Variants in NT5DC1 observed in about 807,000 individuals in gnomAD.
NT5DC1 encodes 5'-nucleotidase domain containing 1.
NT5DC1 carries 42 observed loss-of-function variants against 59.4 expected under a neutral mutation model. The ratio of observed to expected loss-of-function variants is 0.71; its 90% CI spans 0.55 to 0.92. The LOEUF (loss-of-function observed/expected upper bound fraction) is 0.92. NT5DC1 is among the 40% of genes least tolerant of loss of function. The probability of loss-of-function intolerance (pLI) is 0.00; values close to 1 mark genes in which losing one functional copy is unlikely to be tolerated. For synonymous variants in NT5DC1, 172 were observed against 188.1 expected, an observed-to-expected ratio of 0.91 and a Z score of 0.70; for missense variants, 501 against 537.1, an observed-to-expected ratio of 0.93 and a Z score of 0.66.
intron 6 of NT5DC1, among the ~76,000 whole-genome samples, chr6:116,175,631 G>A (rs958285923): frequency 1.3e-5 from 2 of 151,992 alleles, no homozygotes; most frequent in Non-Finnish European, 2.9e-5. Context: ...TTCTCTTTGT[G>A]TTTCAGTTTA....
intron 6 of NT5DC1, among the ~76,000 whole-genome samples, chr6:116,160,610 A>G (rs72953912): frequency 0.016 from 2,307 of 147,474 alleles, 14 homozygotes; most frequent in Non-Finnish European, 0.026. Flanking sequence ...GTGCAGAAAA[A>G]CTCTTTAGTT....
chr6:116,107,428 T>A, intron 2 of NT5DC1, among the ~76,000 whole-genome samples: 1 of 151,612 alleles, frequency 6.6e-6, no homozygotes, highest in Admixed American at 6.6e-5. Context: ...TTATACCACT[T>A]TGCTTTTATT....
At chr6:116,148,006 G>T (rs1037106255) in intron 6 of NT5DC1, among the ~76,000 whole-genome samples, 9 of 151,756 alleles carry the variant, frequency 5.9e-5, no homozygotes, top group Admixed American at 2.0e-4. Flanking sequence ...AGGTGGGGGG[G>T]GTTGGAGGCA....
At chr6:116,188,317 G>T (rs1322723646) in intron 6 of NT5DC1, among the ~76,000 whole-genome samples, 3 of 152,140 alleles carry the variant, frequency 2.0e-5, no homozygotes, top group Non-Finnish European at 4.4e-5. Flanking sequence ...CATTCCCTAT[G>T]ACACAGCCAT....
At chr6:116,243,225 A>G (rs1204826) in intron 11 of NT5DC1, among the ~76,000 whole-genome samples, 110,925 of 152,092 alleles carry the variant, frequency 0.73, 41,513 homozygotes, top group East Asian at 0.99. Context: ...AGTAACCCTC[A>G]TCCTGTGACT....
chr6:116,121,003 T>C, intron 6 of NT5DC1: 8 of 1,613,902 alleles, frequency 5.0e-6, no homozygotes, highest in Admixed American at 1.7e-5. Flanking sequence ...CCCCAGGGTA[T>C]CCTGCAGGCC....
At chr6:116,232,888 G>A (rs1156597378) in intron 8 of NT5DC1, among the ~76,000 whole-genome samples, 1 of 152,162 alleles carries the variant, frequency 6.6e-6, no homozygotes. Context: ...GACAGCTTTA[G>A]TTTTATTTAT....
intron 6 of NT5DC1, among the ~76,000 whole-genome samples, chr6:116,205,854 G>C (rs1383139060): frequency 3.9e-5 from 6 of 151,918 alleles, no homozygotes. Context: ...ATTCCATCCT[G>C]CTGTTTTCCT....
chr6:116,146,692 T>G (rs1236620418), intron 6 of NT5DC1, among the ~76,000 whole-genome samples: 1 of 152,166 alleles, frequency 6.6e-6, no homozygotes, highest in African/African-American at 2.4e-5. Context: ...GCTATAAATC[T>G]TTTTGATCTA....
intron 6 of NT5DC1, among the ~76,000 whole-genome samples, chr6:116,157,858 C>A (rs187898674): frequency 6.6e-6 from 1 of 152,288 alleles, no homozygotes; most frequent in African/African-American, 2.4e-5. Context: ...AGCCTCTCAT[C>A]CCTTGTATTG....
chr6:116,212,241 G>C (rs1170500862), intron 6 of NT5DC1, among the ~76,000 whole-genome samples: 1 of 151,936 alleles, frequency 6.6e-6, no homozygotes, highest in Non-Finnish European at 1.5e-5. Flanking sequence ...AACTAGCCAG[G>C]TGATATTTTA....
At chr6:116,200,207 C>A (rs2114508165) in intron 6 of NT5DC1, among the ~76,000 whole-genome samples, 1 of 152,064 alleles carries the variant, frequency 6.6e-6, no homozygotes, top group African/African-American at 2.4e-5. Flanking sequence ...GGACATTCTA[C>A]AAAATATCTA....
In NT5DC1 at chr6:116,249,187, A is replaced by AAAG. The variant is rs1172525026; in HGVS notation, c.*5164_*5166dup. ...AAGAAAACCTAGCTCTCTAATACTT[A>AAAG]AAGTTCTCTAGCCCTAGAAAAAAAT... On this transcript the variant is annotated 3_prime_UTR_variant, in exon 12 of 12. Coordinates refer to ENST00000319550, the MANE Select transcript of NT5DC1 (RefSeq NM_152729.3). 1.4e-4 allele frequency: 22 copies of AAAG among 152,208 alleles called. No homozygotes were observed. The highest frequency in any genetic ancestry group is 5.1e-4 in the African/African-American group (21 of 41,468). The allele number at this position is 152,208 out of a possible 1,614,324, so 9.4% of individuals were successfully genotyped here.
chr6:116,220,122 C>CTTTTTTTTTTTTTTTTTTTTT (rs60827021), intron 6 of NT5DC1, among the ~76,000 whole-genome samples: 8 of 98,620 alleles, frequency 8.1e-5, no homozygotes, highest in African/African-American at 3.0e-4. Flanking sequence ...GCTGTTTAAC[C>CTTTTTTTTTTTTTTTTTTTTT]TTTTTTTTTT....
chr6:116,193,321 A>C (rs530496196), intron 6 of NT5DC1, among the ~76,000 whole-genome samples: 1 of 152,106 alleles, frequency 6.6e-6, no homozygotes, highest in Non-Finnish European at 1.5e-5. Flanking sequence ...CCTATAAATA[A>C]AAAATTAGGA....
At chr6:116,237,173 C>T (rs1456641767) in intron 9 of NT5DC1, 89 bp downstream of exon 9, 4 of 750,928 alleles carry the variant, frequency 5.3e-6, no homozygotes, top group African/African-American at 1.7e-5. Context: ...AATTCTTCTG[C>T]TTAAATAAGC....
Position 116,203,363 on chromosome 6 carries a change from A to G in NT5DC1, c.530-17691A>G, listed in dbSNP as rs185789850. 5.1e-3 allele frequency among the ~76,000 whole-genome samples: 778 copies of G among 152,066 alleles called. 7 individuals carry two copies. The highest frequency in any genetic ancestry group is 0.017 in the African/African-American group (720 of 41,538). ...TAATAGAGCCCTGCAGTCCGCCAGA[A>G]GCTCTCTTCATGCTCCCTTCTAGCC... On this transcript the variant is annotated intron_variant, in intron 6 of 11. Transcript: ENST00000319550.
intron 6 of NT5DC1, among the ~76,000 whole-genome samples, chr6:116,155,330 C>A (rs950952801): frequency 6.6e-6 from 1 of 152,072 alleles, no homozygotes; most frequent in African/African-American, 2.4e-5. Flanking sequence ...TTATTAATGA[C>A]CAATTCATTT....
intron 11 of NT5DC1, among the ~76,000 whole-genome samples, chr6:116,240,545 A>T (rs1771692394): frequency 6.6e-6 from 1 of 152,166 alleles, no homozygotes; most frequent in Non-Finnish European, 1.5e-5. Flanking sequence ...GAGTCCCAGG[A>T]GATGAGAGAA....
Sources: gnomAD v4.1 joint callset for allele counts (sites outside exome capture counted in the v4.1 genomes callset) on GRCh38, gnomAD v4.1.1 for gene constraint, MANE v1.5 for transcripts, NCBI Gene and HGNC (gene_info 2026-07-23, HGNC 2026-07-21) for gene names.